KIFAP3: variants seen among roughly 807,000 people sequenced by gnomAD.
KIFAP3 encodes the protein kinesin-associated protein 3.
KIFAP3 carries 68 observed loss-of-function variants against 106.5 expected under a neutral mutation model. The ratio of observed to expected loss-of-function variants is 0.64; its 90% CI spans 0.53 to 0.78. KIFAP3 has a LOEUF of 0.78. Ranked by LOEUF, KIFAP3 falls within the 30% of genes least tolerant of loss-of-function variation. The pLI is 0.00. For missense variants in KIFAP3, 780 were observed against 941.8 expected, an observed-to-expected ratio of 0.83 and a Z score of 2.25; for synonymous variants, 320 against 311.5, an observed-to-expected ratio of 1.03 and a Z score of -0.29.
intron 2 of KIFAP3, among the ~76,000 whole-genome samples, chr1:170,053,170 A>T (rs1027400651): frequency 7.9e-5 from 12 of 152,232 alleles, no homozygotes; most frequent in African/African-American, 2.9e-4. Flanking sequence ...ATCCATGTAC[A>T]AAAATCACAA....
intron 1 of KIFAP3, among the ~76,000 whole-genome samples, chr1:170,063,432 A>G (rs1671283555): frequency 6.6e-6 from 1 of 152,184 alleles, no homozygotes; most frequent in African/African-American, 2.4e-5. Flanking sequence ...CTGCTATAAT[A>G]TCATCCCCAA....
intron 2 of KIFAP3, among the ~76,000 whole-genome samples, chr1:170,047,822 A>G (rs1670341232): frequency 6.6e-6 from 1 of 152,174 alleles, no homozygotes; most frequent in Non-Finnish European, 1.5e-5. Context: ...GGAAACAATT[A>G]CCTAGTTACA....
At chr1:170,050,267 A>C (rs966069370) in intron 2 of KIFAP3, among the ~76,000 whole-genome samples, 1 of 152,234 alleles carries the variant, frequency 6.6e-6, no homozygotes, top group East Asian at 1.9e-4. Flanking sequence ...CCTTGCTGAA[A>C]TAAGGCGTGA....
chr1:169,978,384 A>G (rs1013907948), intron 15 of KIFAP3, among the ~76,000 whole-genome samples: 10 of 152,044 alleles, frequency 6.6e-5, no homozygotes, highest in Non-Finnish European at 1.5e-4. Flanking sequence ...GAATTCTTTA[A>G]AGAATTCTAA....
At chr1:169,947,312 C>T (rs774051631) in intron 19 of KIFAP3, among the ~76,000 whole-genome samples, 2 of 151,766 alleles carry the variant, frequency 1.3e-5, no homozygotes, top group African/African-American at 2.4e-5. Flanking sequence ...ATACCATGCC[C>T]GAATCAGAGC....
intron 1 of KIFAP3, among the ~76,000 whole-genome samples, chr1:170,063,790 C>A (rs1671299832): frequency 6.6e-6 from 1 of 152,136 alleles, no homozygotes; most frequent in Admixed American, 6.6e-5. Context: ...CGGGACCTTT[C>A]CCTGTCCACT....
chr1:170,081,841 T>G (rs941825092), intron 1 of KIFAP3, among the ~76,000 whole-genome samples: 4 of 152,162 alleles, frequency 2.6e-5, no homozygotes, highest in Non-Finnish European at 4.4e-5. Flanking sequence ...AGATGGGATG[T>G]GAGCACCTTT....
chr1:170,046,898 T>C, intron 2 of KIFAP3, 32 bp from the exon 3 acceptor site: 9 of 1,474,778 alleles, frequency 6.1e-6, no homozygotes, highest in Non-Finnish European at 8.2e-6. Flanking sequence ...TCAACTCACG[T>C]ATTATAAAAG....
At chr1:170,009,080 G>A (rs1668116165) in intron 10 of KIFAP3, among the ~76,000 whole-genome samples, 1 of 151,802 alleles carries the variant, frequency 6.6e-6, no homozygotes, top group Non-Finnish European at 1.5e-5. Context: ...AGAACACATG[G>A]ACATCACACA....
rs973141010 is a variant in KIFAP3 at position 170,060,011 on chromosome 1, G to A, written c.33-4575C>T. ...TCAATAAATTAGGTATTGATGGGAC[G>A]TATATCAAAATAGTCAGAGCTATTT... On this transcript the variant is annotated intron_variant, in intron 1 of 19. Transcript: ENST00000361580. Among the ~76,000 whole-genome samples the A allele has an allele frequency of 3.3e-5, 5 of 152,026 alleles. 1 individual carries two copies. Among genetic ancestry groups the A allele is most frequent in the Admixed American group, 6.6e-5 (1 of 15,252 alleles).
At chr1:170,059,197 CAAAA>C (rs1012583138) in intron 1 of KIFAP3, among the ~76,000 whole-genome samples, 2 of 149,842 alleles carry the variant, frequency 1.3e-5, no homozygotes, top group Non-Finnish European at 3.0e-5. Flanking sequence ...GATAGAGACA[CAAAA>C]AAAATCAATG....
At chr1:170,046,294 A>C (rs1178011391) in intron 3 of KIFAP3, among the ~76,000 whole-genome samples, 1 of 151,096 alleles carries the variant, frequency 6.6e-6, no homozygotes, top group Non-Finnish European at 1.5e-5. Context: ...CATATGATAT[A>C]TATTTTAACA....
chr1:169,993,294 T>G (rs1006032548), intron 10 of KIFAP3, among the ~76,000 whole-genome samples: 1 of 151,420 alleles, frequency 6.6e-6, no homozygotes, highest in Non-Finnish European at 1.5e-5. Context: ...TTATTTTTAG[T>G]AGAGACAGGG....
At chr1:170,057,281 T>G (rs1352001732) in intron 1 of KIFAP3, among the ~76,000 whole-genome samples, 1 of 152,110 alleles carries the variant, frequency 6.6e-6, no homozygotes, top group African/African-American at 2.4e-5. Flanking sequence ...TTGTCCTCTG[T>G]TGTCTCATAT....
rs1200132730 is a variant in KIFAP3 at position 169,983,258 on chromosome 1, A to G, written c.1506+12T>C. 1.3e-6 allele frequency: 2 copies of G among 1,510,054 alleles called. No individual in the cohort carries two copies. The highest frequency in any genetic ancestry group is 3.6e-5 in the Admixed American group (2 of 55,684). The allele number at this position is 1,510,054 out of a possible 1,614,324, so 93.5% of individuals were successfully genotyped here. The stretch of plus-strand genomic sequence containing the variant: ...CCAGTCTATTTGAATAGAAAGCCAA[A>G]ATGATACTTACAATAAACAGATTTT... On this transcript the variant is annotated intron_variant, in intron 13 of 19. Coordinates refer to ENST00000361580, the MANE Select transcript of KIFAP3 (RefSeq NM_014970.4).
chr1:169,983,638 TCA>T (rs1368920301), intron 12 of KIFAP3, among the ~76,000 whole-genome samples: 1 of 151,858 alleles, frequency 6.6e-6, no homozygotes, highest in African/African-American at 2.4e-5. Flanking sequence ...CTTCCCTGTC[TCA>T]TTTTTAAACA....
intron 19 of KIFAP3, among the ~76,000 whole-genome samples, chr1:169,951,581 T>C (rs1664733329): frequency 6.6e-6 from 1 of 151,932 alleles, no homozygotes; most frequent in Admixed American, 6.6e-5. Flanking sequence ...TTGGACCCAG[T>C]ACATAACTTG....
At chr1:169,956,763 C>A (rs1221342606) in intron 18 of KIFAP3, among the ~76,000 whole-genome samples, 1 of 151,970 alleles carries the variant, frequency 6.6e-6, no homozygotes, top group African/African-American at 2.4e-5. Flanking sequence ...ACCACCACAT[C>A]TGGCTAATTT....
intron 15 of KIFAP3, among the ~76,000 whole-genome samples, chr1:169,979,740 A>T (rs150270512): frequency 1.7e-3 from 265 of 152,018 alleles, no homozygotes; most frequent in African/African-American, 5.8e-3. Context: ...ACACATACAA[A>T]CTCTGTGACC....
Sources: gnomAD v4.1 joint callset for allele counts (sites outside exome capture counted in the v4.1 genomes callset) on GRCh38, gnomAD v4.1.1 for gene constraint, MANE v1.5 for transcripts, NCBI Gene and HGNC (gene_info 2026-07-23, HGNC 2026-07-21) for gene names.